GPR158: variants seen among roughly 807,000 people sequenced by gnomAD.
GPR158 encodes metabotropic glycine receptor.
A neutral mutation model predicts 78.2 loss-of-function variants in GPR158; 30 were observed. The ratio of observed to expected loss-of-function variants is 0.38; its 90% confidence interval spans 0.29 to 0.52. GPR158 has a LOEUF of 0.52. GPR158 is among the 20% of genes least tolerant of loss of function. The pLI, the probability that GPR158 is intolerant of heterozygous loss-of-function variation, is 0.83. For missense variants in GPR158, 1,463 were observed against 1,523.5 expected, an observed-to-expected ratio of 0.96 and a Z score of 0.66; for synonymous variants, 581 against 591.1, an observed-to-expected ratio of 0.98 and a Z score of 0.25.
chr10:25,591,716 CTA>C (rs1417148623), intron 8 of GPR158, among the ~76,000 whole-genome samples: 2 of 152,070 alleles, frequency 1.3e-5, no homozygotes, highest in Non-Finnish European at 2.9e-5. Context: ...TGAAGAAGCC[CTA>C]TGTTTTAAAT....
intron 2 of GPR158, among the ~76,000 whole-genome samples, chr10:25,359,782 T>G (rs771803079): frequency 6.6e-6 from 1 of 152,212 alleles, no homozygotes; most frequent in Non-Finnish European, 1.5e-5. Flanking sequence ...TACCCAGTAA[T>G]GGGATGGCTG....
Position 25,382,532 on chromosome 10 carries a change from A to G in GPR158, c.1009-13379A>G, listed in dbSNP as rs1834169842. On this transcript the variant is annotated intron_variant, in intron 2 of 10. Transcript: ENST00000376351. ...AAAACTGGGTTCTGACAGCTGCTGA[A>G]TAATAGAGATAAGATGTTCTTTTTC... is the stretch of plus-strand genomic sequence containing the variant. 2.0e-5 allele frequency among the ~76,000 whole-genome samples: 3 copies of G among 152,198 alleles called. No individual in the cohort carries two copies. The South Asian group carries it at 6.2e-4, about 32-fold the overall frequency.
chr10:25,538,375 A>G (rs1050209863), intron 5 of GPR158, among the ~76,000 whole-genome samples: 10 of 152,136 alleles, frequency 6.6e-5, no homozygotes, highest in African/African-American at 1.9e-4. Flanking sequence ...GCCTTGTTTT[A>G]TAGAATAAAT....
At chr10:25,284,793 G>C (rs1854324589) in intron 2 of GPR158, among the ~76,000 whole-genome samples, 1 of 151,380 alleles carries the variant, frequency 6.6e-6, no homozygotes, top group Non-Finnish European at 1.5e-5. Context: ...ATATTTTAGT[G>C]GTTACTGTAT....
intron 2 of GPR158, among the ~76,000 whole-genome samples, chr10:25,315,422 C>A (rs1854833820): frequency 6.6e-6 from 1 of 152,100 alleles, no homozygotes. Context: ...ATCACAACCC[C>A]TGCTTTCTTA....
chr10:25,226,429 C>G (rs1184611542), intron 2 of GPR158, among the ~76,000 whole-genome samples: 1 of 152,154 alleles, frequency 6.6e-6, no homozygotes, highest in Non-Finnish European at 1.5e-5. Flanking sequence ...TTAAAATTCA[C>G]TGAGGGACAT....
intron 6 of GPR158, among the ~76,000 whole-genome samples, chr10:25,570,544 C>A (rs1836991559): frequency 6.6e-6 from 1 of 152,064 alleles, no homozygotes; most frequent in South Asian, 2.1e-4. Context: ...TTTAAAATTT[C>A]TTCACTTCCA....
At chr10:25,406,893 C>G (rs1417542565) in intron 3 of GPR158, among the ~76,000 whole-genome samples, 1 of 152,116 alleles carries the variant, frequency 6.6e-6, no homozygotes, top group Non-Finnish European at 1.5e-5. Context: ...GGAAGGTGAT[C>G]TTTTCTGGTG....
At chr10:25,212,566 T>C (rs1853147276) in intron 1 of GPR158, among the ~76,000 whole-genome samples, 1 of 151,048 alleles carries the variant, frequency 6.6e-6, no homozygotes, top group Non-Finnish European at 1.5e-5. Context: ...TCATTAAGAG[T>C]TTTCAAAATT....
intron 5 of GPR158, among the ~76,000 whole-genome samples, chr10:25,540,195 CTCA>C (rs568219204): frequency 0.021 from 3,213 of 152,234 alleles, 48 homozygotes; most frequent in African/African-American, 0.038. Flanking sequence ...TGAAAAAATG[CTCA>C]TCATCACTGG....
intron 2 of GPR158, among the ~76,000 whole-genome samples, chr10:25,348,426 C>CAT (rs1855404834): frequency 6.6e-6 from 1 of 150,960 alleles, no homozygotes; most frequent in Admixed American, 6.6e-5. Flanking sequence ...CACACACACA[C>CAT]ACACACACAC....
chr10:25,338,441 T>TATATA, intron 2 of GPR158, among the ~76,000 whole-genome samples: 1 of 144,432 alleles, frequency 6.9e-6, no homozygotes, highest in East Asian at 2.0e-4. Context: ...ATACGTATTA[T>TATATA]ATATACGTAA....
At chr10:25,354,238 C>T (rs569062683) in intron 2 of GPR158, among the ~76,000 whole-genome samples, 1 of 151,706 alleles carries the variant, frequency 6.6e-6, no homozygotes, top group Non-Finnish European at 1.5e-5. Flanking sequence ...GCCTGTAATC[C>T]CAGCCTCCTA....
chr10:25,544,271 A>G (rs756266001), intron 5 of GPR158, among the ~76,000 whole-genome samples: 1 of 145,784 alleles, frequency 6.9e-6, no homozygotes, highest in Non-Finnish European at 1.5e-5. Flanking sequence ...TATCAGAAAG[A>G]GAATCAGCAT....
At chr10:25,408,836 G>A (rs149306266) in intron 3 of GPR158, among the ~76,000 whole-genome samples, 103 of 152,180 alleles carry the variant, frequency 6.8e-4, no homozygotes, top group African/African-American at 2.3e-3. Flanking sequence ...TTTAAGTGCC[G>A]TTGAGGTGTG....
In GPR158 at chr10:25,378,605, C is replaced by T. The variant is rs1414793253; in HGVS notation, c.1009-17306C>T. On this transcript the variant is annotated intron_variant, in intron 2 of 10. Coordinates refer to ENST00000376351, the MANE Select transcript of GPR158 (RefSeq NM_020752.3). ...ATTATTTAACTTTTCCTTCTCTTTG[C>T]CAGTTAGGCATATATATATATTGCT... Among the ~76,000 whole-genome samples the T allele has an allele frequency of 3.7e-5, 4 of 107,350 alleles. No homozygotes were observed. In the East Asian group the frequency reaches 6.0e-4, roughly 16 times the overall value. The allele number at this position is 107,350 out of a possible 152,430, so 70.4% of individuals were successfully genotyped here.
intron 2 of GPR158, among the ~76,000 whole-genome samples, chr10:25,335,091 T>C (rs1246364093): frequency 6.6e-6 from 1 of 152,120 alleles, no homozygotes; most frequent in African/African-American, 2.4e-5. Flanking sequence ...GTGCTACAGA[T>C]ACTTATTCAG....
chr10:25,301,312 T>C (rs1854590803), intron 2 of GPR158, among the ~76,000 whole-genome samples: 1 of 152,164 alleles, frequency 6.6e-6, no homozygotes, highest in African/African-American at 2.4e-5. Context: ...TCCTAGCTTC[T>C]AGCATTAATA....
intron 4 of GPR158, among the ~76,000 whole-genome samples, chr10:25,430,082 C>A (rs1209150747): frequency 6.7e-6 from 1 of 149,910 alleles, no homozygotes; most frequent in Non-Finnish European, 1.5e-5. Flanking sequence ...TCCCTGTTTG[C>A]AGATGACATG....
Sources: allele counts gnomAD v4.1 joint callset (sites outside exome capture counted in the v4.1 genomes callset), GRCh38; gene constraint gnomAD v4.1.1; transcripts MANE v1.5; gene names NCBI Gene and HGNC (gene_info 2026-07-23, HGNC 2026-07-21).